Variants in SUMF2 observed in about 807,000 individuals in gnomAD.
The protein encoded by SUMF2 is inactive C-alpha-formylglycine-generating enzyme 2.
SUMF2 carries 45 observed loss-of-function variants against 44.8 expected under a neutral mutation model. The observed-to-expected ratio is 1.00, with a 90% CI of 0.79 to 1.29. The LOEUF is 1.29. Ranked by LOEUF, SUMF2 falls within the 50% of genes most tolerant of loss-of-function variation. The probability of loss-of-function intolerance (pLI) is 0.00; values close to 1 mark genes in which losing one functional copy is unlikely to be tolerated. For missense variants in SUMF2, 418 were observed against 389.9 expected (o/e 1.07, Z -0.61); for synonymous variants, 148 against 150.4 (o/e 0.98, Z 0.12).
At chr7:56,077,331 G>A (rs1795630657) in intron 6 of SUMF2, among the ~76,000 whole-genome samples, 1 of 149,338 alleles carries the variant, frequency 6.7e-6, no homozygotes, top group South Asian at 2.2e-4. Flanking sequence ...TTACAGGCAT[G>A]AGCCACCGTG....
Position 56,078,450 on chromosome 7 carries a change from G to A in SUMF2, c.763G>A (p.Ala255Thr), listed in dbSNP as rs1307144762. ...GCAGGACATGCGCGTCCTCCGGGGGGCATCCTGGATCGACACAGCTGATGG... is the reference window on the plus strand; with the variant it reads ...GCAGGACATGCGCGTCCTCCGGGGGACATCCTGGATCGACACAGCTGATGG... ...AEQDMRVLRGASWIDTADGSA... is the reference protein window; with the variant it reads ...AEQDMRVLRGTSWIDTADGSA... The change falls in exon 8 of 9, where the codon GCA (alanine) becomes ACA (threonine). Residue 255 changes from alanine (A) to threonine (T), a missense_variant. Ala to Thr is a moderately conservative substitution (Grantham distance 58). Transcript: ENST00000434526. 1 of 1,607,246 alleles carries A rather than the reference G, an allele frequency of 6.2e-7. No individual in the cohort carries two copies. Among genetic ancestry groups the A allele is most frequent in the Non-Finnish European group, 8.5e-7 (1 of 1,176,186 alleles).
downstream of SUMF2, chr7:56,081,354 C>T: frequency 6.4e-7 from 1 of 1,553,848 alleles, no homozygotes; most frequent in Non-Finnish European, 8.6e-7. The surrounding 1 kb of genome is among the most constrained non-coding windows in gnomAD (Gnocchi z 4.6). Context: ...CAGGCCCTGC[C>T]CCTCCAGCAC....
In SUMF2 at chr7:56,079,340, C is replaced by T; in HGVS notation, c.822-188C>T. On this transcript the variant is annotated intron_variant, in intron 8 of 8. Transcript: ENST00000434526. ...TTTTGTCCCAAAGCCCCTTCTTGTCCCCTTTCTCCCAGGACTGGCACAGGC... is the reference window on the plus strand; with the variant it reads ...TTTTGTCCCAAAGCCCCTTCTTGTCTCCTTTCTCCCAGGACTGGCACAGGC... 4.9e-6 allele frequency: 3 copies of T among 618,424 alleles called. No individual in the cohort carries two copies. In the South Asian group the frequency reaches 6.2e-5, roughly 13 times the overall value. The allele number at this position is 618,424 out of a possible 1,614,324, so 38.3% of individuals were successfully genotyped here.
chr7:56,074,475 A>G, intron 4 of SUMF2, 111 bp from the exon 5 acceptor site: 6 of 1,417,504 alleles, frequency 4.2e-6, no homozygotes, highest in Non-Finnish European at 5.7e-6. Context: ...GCTCTCTTCC[A>G]GCTCTCTTGC....
rs771507140 is a variant in SUMF2 at position 56,078,442 on chromosome 7, T to TC, written c.757dup (p.Arg253ProfsTer10). 1 of 1,609,130 alleles carries TC rather than the reference T, an allele frequency of 6.2e-7. No individual in the cohort carries two copies. Among genetic ancestry groups the TC allele is most frequent in the East Asian group, 2.2e-5 (1 of 44,758 alleles). ...GCTGCTGAGCAGGACATGCGCGTCCTCCGGGGGGCATCCTGGATCGACACA... is the reference window on the plus strand; with the variant it reads ...GCTGCTGAGCAGGACATGCGCGTCCTCCCGGGGGGCATCCTGGATCGACACA... On this transcript the variant is annotated frameshift_variant, in exon 8 of 9. Coordinates refer to ENST00000434526, the MANE Select transcript of SUMF2 (RefSeq NM_015411.4). LOFTEE classifies it high-confidence loss of function.
At chr7:56,082,548 G>A (rs1375978921), downstream of SUMF2, among the ~76,000 whole-genome samples, 3 of 151,960 alleles carry the variant, frequency 2.0e-5, no homozygotes, top group East Asian at 1.9e-4. Flanking sequence ...AGCTGAGATC[G>A]CCCCACTTCA....
chr7:56,083,829 C>T (rs1796137012), downstream of SUMF2: 2 of 748,826 alleles, frequency 2.7e-6, no homozygotes, highest in South Asian at 1.5e-5. Flanking sequence ...GTGGGCCACT[C>T]TCCGTGGAGA....
At chr7:56,085,342 C>T (rs912498936), downstream of SUMF2, among the ~76,000 whole-genome samples, 10 of 152,184 alleles carry the variant, frequency 6.6e-5, no homozygotes, top group African/African-American at 2.4e-4. Context: ...AAGCAATCCT[C>T]CCACCACAGC....
At position 56,077,768 on chromosome 7, in the gene SUMF2, C is replaced by T. The variant is rs145820622; in HGVS notation, c.592-334C>T. On this transcript the variant is annotated intron_variant, in intron 6 of 8. Coordinates refer to ENST00000434526, the MANE Select transcript of SUMF2 (RefSeq NM_015411.4). ...AGGCATGAGACATGGGGGCAGGATGCAGAGGATCCTGTCTTCTTGAGGCAC... is the reference window on the plus strand; with the variant it reads ...AGGCATGAGACATGGGGGCAGGATGTAGAGGATCCTGTCTTCTTGAGGCAC... 9.6e-4 allele frequency among the ~76,000 whole-genome samples: 146 copies of T among 152,132 alleles called. No individual in the cohort carries two copies. The Middle Eastern group carries it at 0.014, about 14-fold the overall frequency.
chr7:56,071,927 T>A (rs1795184609), intron 2 of SUMF2, among the ~76,000 whole-genome samples: 1 of 151,412 alleles, frequency 6.6e-6, no homozygotes, highest in South Asian at 2.1e-4. Flanking sequence ...CTGGCCAACA[T>A]GGTGAAACCC....
chr7:56,087,194 TTTATTATTATTATTATTATTATTA>T, the SUMF2 span, among the ~76,000 whole-genome samples: 1 of 136,086 alleles, frequency 7.3e-6, no homozygotes, highest in Non-Finnish European at 1.6e-5. Flanking sequence ...GCCCAGGGAC[TTTATTATTATTATTATTATTATTA>T]TTATTATTAT....
chr7:56,080,856 G>A (rs1795937359), downstream of SUMF2: 2 of 640,912 alleles, frequency 3.1e-6, no homozygotes, highest in Non-Finnish European at 5.3e-6. Context: ...CAGCCTGCAG[G>A]TATTGCTGTG....
rs1198606746 is a variant in SUMF2 at position 56,065,140 on chromosome 7, C to A, written c.67+762C>A. On this transcript the variant is annotated intron_variant, in intron 1 of 8. Coordinates refer to ENST00000434526, the MANE Select transcript of SUMF2 (RefSeq NM_015411.4). ...CCCGGGGGGTGGAGCCTGCAGTGAG[C>A]GGAGATAGCGCCACTGCACTCCAGC... Among the ~76,000 whole-genome samples, 3 of 134,212 alleles carry A rather than the reference C, an allele frequency of 2.2e-5. No homozygotes were observed. The Admixed American group carries it at 2.6e-4, about 12-fold the overall frequency. The allele number at this position is 134,212 out of a possible 152,430, so 88.0% of individuals were successfully genotyped here.
chr7:56,081,821 C>CAGGG, downstream of SUMF2: 2 of 1,608,816 alleles, frequency 1.2e-6, no homozygotes, highest in Non-Finnish European at 1.7e-6. This position sits in a 1 kb window ranked among gnomAD's most constrained non-coding sequence, Gnocchi z 4.6. Context: ...TCAGGAAAGG[C>CAGGG]AGGGCCTCCC....
downstream of SUMF2, chr7:56,083,576 T>C: frequency 1.3e-6 from 2 of 1,494,616 alleles, no homozygotes; most frequent in Admixed American, 1.8e-5. Flanking sequence ...ACGCCCTGCC[T>C]CCCCTGAGAC....
At position 56,072,994 on chromosome 7, in the gene SUMF2, T is replaced by C. The variant is rs368170543; in HGVS notation, c.225-3T>C. 4 of 1,612,508 alleles carry C rather than the reference T, an allele frequency of 2.5e-6. No homozygotes were observed. In the African/African-American group the frequency reaches 4.0e-5, roughly 16 times the overall value. ...CTGAACCAGCTGAACTATGTCTTTA[T>C]AGGGATTTTGTCAGGGAGAAAAAGT... is the stretch of plus-strand genomic sequence containing the variant. On this transcript the variant is annotated splice_polypyrimidine_tract_variant and splice_region_variant and intron_variant, in intron 2 of 8. Transcript: ENST00000434526.
chr7:56,084,328 C>G, downstream of SUMF2: 1 of 735,100 alleles, frequency 1.4e-6, no homozygotes, highest in Non-Finnish European at 2.3e-6. Flanking sequence ...GAACCACTGG[C>G]CCAGGACCCC....
downstream of SUMF2, chr7:56,082,251 C>A: frequency 1.6e-5 from 26 of 1,612,226 alleles, no homozygotes; most frequent in Non-Finnish European, 2.2e-5. Flanking sequence ...GTCCCGCAGA[C>A]CTCTGCAGGA....
chr7:56,086,908 G>T, the SUMF2 span: 1 of 1,286,826 alleles, frequency 7.8e-7, no homozygotes, highest in Non-Finnish European at 1.1e-6. Context: ...CCCTGGGGTT[G>T]GGGAGGGGAC....
Sources: gnomAD v4.1 joint callset for allele counts (sites outside exome capture counted in the v4.1 genomes callset) on GRCh38, gnomAD v4.1.1 for gene constraint, Gnocchi (gnomAD v3.1) non-coding constraint, MANE v1.5 for transcripts, NCBI Gene and HGNC (gene_info 2026-07-23, HGNC 2026-07-21) for gene names.